PCDH19: variants seen among roughly 807,000 people sequenced by gnomAD.
PCDH19 encodes the protein protocadherin 19.
In PCDH19, 6 loss-of-function variants were observed where a neutral mutation model predicts 46.2. The ratio of observed to expected loss-of-function variants is 0.13; its 90% confidence interval spans 0.07 to 0.26. The LOEUF (loss-of-function observed/expected upper bound fraction) is 0.26, where lower values mean the gene tolerates loss of function less well. PCDH19 is among the 10% of genes least tolerant of loss of function. The pLI is 1.00. For missense variants in PCDH19, 740 were observed against 972.3 expected (o/e 0.76, Z 3.18); for synonymous variants, 481 against 415.7 (o/e 1.16, Z -1.91).
chrX:100,397,494 C>G (rs1928059959), intron 3 of PCDH19, among the ~76,000 whole-genome samples: 1 of 111,992 alleles, frequency 8.9e-6, no homozygotes, highest in South Asian at 3.7e-4. Flanking sequence ...GAGACTGAAA[C>G]CAAAATTTAA....
At chrX:100,379,570 T>C (rs1311840200) in intron 3 of PCDH19, among the ~76,000 whole-genome samples, 1 of 111,940 alleles carries the variant, frequency 8.9e-6, no homozygotes, top group Admixed American at 9.5e-5. Flanking sequence ...TTGATGCGTC[T>C]ATACGCCCTC....
chrX:100,405,411 T>C (rs1170855967), intron 1 of PCDH19, among the ~76,000 whole-genome samples: 1 of 112,556 alleles, frequency 8.9e-6, no homozygotes, highest in East Asian at 2.8e-4. Flanking sequence ...ATTCTAGGAT[T>C]CTAGAAATGC....
At chrX:100,315,647 T>C (rs1925277066) in intron 5 of PCDH19, among the ~76,000 whole-genome samples, 1 of 112,592 alleles carries the variant, frequency 8.9e-6, no homozygotes, top group East Asian at 2.8e-4. Flanking sequence ...AGCCCAGCAG[T>C]TCACATATCC....
At chrX:100,352,276 G>A (rs1219862990) in intron 3 of PCDH19, among the ~76,000 whole-genome samples, 1 of 112,517 alleles carries the variant, frequency 8.9e-6, no homozygotes, top group African/African-American at 3.2e-5. Flanking sequence ...CTTGGAAGCT[G>A]TGTTAGGAAT....
intron 5 of PCDH19, among the ~76,000 whole-genome samples, chrX:100,307,506 C>T (rs927521061): frequency 1.8e-4 from 20 of 111,528 alleles, no homozygotes; most frequent in African/African-American, 6.2e-4. Context: ...TGCCCACTTT[C>T]ACCACTTCTA....
At position 100,409,102 on chromosome X, in the gene PCDH19, C is replaced by G. The variant is rs1458830478; in HGVS notation, c.-505G>C. ...GAGGCTGGCGAACTCGCTGTCTGTG[C>G]ACCTGGCATGCGCAAAGACCTCCCC... On this transcript the variant is annotated 5_prime_UTR_variant, in exon 1 of 6. Transcript: ENST00000373034. The G allele has an allele frequency of 8.9e-6, 1 of 112,857 alleles. No homozygotes were observed. Among genetic ancestry groups the G allele is most frequent in the Non-Finnish European group, 1.9e-5 (1 of 53,185 alleles). The allele number at this position is 112,857 out of a possible 1,213,427, so 9.3% of individuals were successfully genotyped here. A position where few individuals can be genotyped will look rare whatever the true frequency, so the allele number is the denominator to read the frequency against.
chrX:100,355,188 C>T (rs59277784), intron 3 of PCDH19, among the ~76,000 whole-genome samples: 3,423 of 111,636 alleles, frequency 0.031, 128 homozygotes, highest in African/African-American at 0.11. Flanking sequence ...GGGTGTTATC[C>T]TTTAAGAACC....
intron 5 of PCDH19, among the ~76,000 whole-genome samples, chrX:100,319,683 T>C (rs1268588363): frequency 8.9e-6 from 1 of 111,935 alleles, no homozygotes; most frequent in Non-Finnish European, 1.9e-5. Flanking sequence ...AAAGGCAAAT[T>C]GGAACAATTC....
At chrX:100,300,145 T>A (rs931749889) in intron 5 of PCDH19, among the ~76,000 whole-genome samples, 2 of 112,486 alleles carry the variant, frequency 1.8e-5, no homozygotes, top group Admixed American at 9.4e-5. Context: ...TTCATAAATA[T>A]ACTGCAGATG....
chrX:100,382,864 T>C (rs1014848228), intron 3 of PCDH19, among the ~76,000 whole-genome samples: 5 of 111,877 alleles, frequency 4.5e-5, no homozygotes, highest in African/African-American at 1.6e-4. Flanking sequence ...TAGAGATGGG[T>C]GTCACAGTAA....
Position 100,388,871 on chromosome X carries a change from G to A in PCDH19, c.2616+13653C>T, listed in dbSNP as rs970088791. Among the ~76,000 whole-genome samples the A allele has an allele frequency of 1.3e-4, 14 of 111,169 alleles. No individual in the cohort carries two copies. The East Asian group carries it at 3.9e-3, about 31-fold the overall frequency. On this transcript the variant is annotated intron_variant, in intron 3 of 5. Transcript: ENST00000373034. ...TTTAACTTTTGTTTTACACATTCCT[G>A]TGTTCCTTGACTTTTTAGTAGTAAG...
intron 3 of PCDH19, among the ~76,000 whole-genome samples, chrX:100,364,186 G>C (rs781132093): frequency 6.4e-5 from 7 of 109,691 alleles, no homozygotes; most frequent in African/African-American, 2.3e-4. Context: ...TCAAGGGCTA[G>C]TGCAGTATTT....
At chrX:100,386,023 C>T (rs1195457011) in intron 3 of PCDH19, among the ~76,000 whole-genome samples, 1 of 112,187 alleles carries the variant, frequency 8.9e-6, no homozygotes, top group African/African-American at 3.2e-5. Context: ...ATTTATTGGG[C>T]ATTTATTTAG....
intron 5 of PCDH19, among the ~76,000 whole-genome samples, chrX:100,314,448 G>A (rs1925236029): frequency 8.9e-6 from 1 of 111,919 alleles, no homozygotes; most frequent in African/African-American, 3.2e-5. Flanking sequence ...GAAGTTAAAC[G>A]ATTACTAGTC....
At chrX:100,382,948 A>G (rs1033008340) in intron 3 of PCDH19, among the ~76,000 whole-genome samples, 1 of 112,385 alleles carries the variant, frequency 8.9e-6, no homozygotes, top group Non-Finnish European at 1.9e-5. Flanking sequence ...TGTGTAACTA[A>G]AAGCAGAAAA....
chrX:100,335,666 A>G (rs1926063422), intron 5 of PCDH19, among the ~76,000 whole-genome samples: 1 of 111,975 alleles, frequency 8.9e-6, no homozygotes, highest in Admixed American at 9.5e-5. Flanking sequence ...TGGTCACCTC[A>G]GTAAACCCCA....
chrX:100,341,843 T>C, intron 5 of PCDH19, 60 bp downstream of exon 5: 1 of 1,059,196 alleles, frequency 9.4e-7, no homozygotes, highest in Non-Finnish European at 1.3e-6. Flanking sequence ...ATAGTGTGCC[T>C]ACAAACATTT....
chrX:100,342,155 C>G, intron 4 of PCDH19, 80 bp from the exon 5 acceptor site: 1 of 921,171 alleles, frequency 1.1e-6, no homozygotes, highest in Non-Finnish European at 1.6e-6. Context: ...ATGATGTCGG[C>G]TCTGTAATGA....
At chrX:100,351,202 C>T in intron 3 of PCDH19, among the ~76,000 whole-genome samples, 1 of 112,924 alleles carries the variant, frequency 8.9e-6, no homozygotes, top group Admixed American at 9.3e-5. Context: ...TTGCTCAGCA[C>T]TGGTTATGCA....
Sources: allele counts gnomAD v4.1 joint callset (sites outside exome capture counted in the v4.1 genomes callset), GRCh38; gene constraint gnomAD v4.1.1; transcripts MANE v1.5; gene names NCBI Gene and HGNC (gene_info 2026-07-23, HGNC 2026-07-21).